The following GALNTL6 variants were observed in gnomAD, a reference collection of about 807,000 sequenced individuals.
The protein encoded by GALNTL6 is polypeptide N-acetylgalactosaminyltransferase-like 6.
GALNTL6 carries 46 observed loss-of-function variants against 73.7 expected under a neutral mutation model. That is an observed-to-expected ratio of 0.62 (90% CI 0.49 to 0.80). GALNTL6 has a LOEUF of 0.80. GALNTL6 is among the 30% of genes least tolerant of loss of function. The pLI is 0.00. For synonymous variants in GALNTL6, 259 were observed against 263.7 expected, an observed-to-expected ratio of 0.98 and a Z score of 0.17; for missense variants, 604 against 755.0, an observed-to-expected ratio of 0.80 and a Z score of 2.34.
chr4:172,074,545 T>C (rs895326164), intron 2 of GALNTL6, among the ~76,000 whole-genome samples: 4 of 124,644 alleles, frequency 3.2e-5, no homozygotes, highest in African/African-American at 1.2e-4. Flanking sequence ...ATGCATGCTT[T>C]ACAAACTTTT....
At chr4:172,176,083 TA>T (rs1734982637) in intron 2 of GALNTL6, among the ~76,000 whole-genome samples, 1 of 151,990 alleles carries the variant, frequency 6.6e-6, no homozygotes, top group Non-Finnish European at 1.5e-5. Flanking sequence ...CTCACGCCTG[TA>T]ATCCCAGCAC....
intron 8 of GALNTL6, among the ~76,000 whole-genome samples, chr4:172,914,359 G>C (rs1029289854): frequency 2.0e-5 from 3 of 152,154 alleles, no homozygotes; most frequent in African/African-American, 7.2e-5. Context: ...AAAATAACCA[G>C]CTAACGTCAT....
chr4:171,992,117 A>G (rs749146572), intron 2 of GALNTL6, among the ~76,000 whole-genome samples: 1 of 152,006 alleles, frequency 6.6e-6, no homozygotes, highest in African/African-American at 2.4e-5. Flanking sequence ...CATGACTCAG[A>G]TATCTTTTCA....
intron 2 of GALNTL6, among the ~76,000 whole-genome samples, chr4:172,092,763 A>C (rs1339553650): frequency 6.6e-6 from 1 of 152,044 alleles, no homozygotes; most frequent in Non-Finnish European, 1.5e-5. Context: ...CTTTTTGTGA[A>C]GTTTACAACA....
intron 5 of GALNTL6, among the ~76,000 whole-genome samples, chr4:172,775,290 T>C (rs906784226): frequency 1.3e-4 from 20 of 152,224 alleles, no homozygotes; most frequent in Admixed American, 3.3e-4. Flanking sequence ...TTAATTTGTC[T>C]TGATGGAATC....
intron 5 of GALNTL6, among the ~76,000 whole-genome samples, chr4:172,704,373 T>C (rs780652486): frequency 6.6e-6 from 1 of 151,944 alleles, no homozygotes; most frequent in Non-Finnish European, 1.5e-5. Context: ...CTGTATCCCA[T>C]AGATTTTGGT....
rs1401742052 is a variant in GALNTL6 at position 171,903,385 on chromosome 4, CG to C, written c.138+88669del. On this transcript the variant is annotated intron_variant, in intron 2 of 12. Coordinates refer to ENST00000506823, the MANE Select transcript of GALNTL6 (RefSeq NM_001034845.3). ...CCTAGTCAAAGAAAGGGGTGATGGA[CG>C]GCACCTGGAAAATCGGGTCACTCCC... Among the ~76,000 whole-genome samples, 7 of 151,986 alleles carry C rather than the reference CG, an allele frequency of 4.6e-5. No individual in the cohort carries two copies. The East Asian group carries it at 5.8e-4, about 13-fold the overall frequency.
At chr4:172,617,515 C>T (rs1182534319) in intron 5 of GALNTL6, among the ~76,000 whole-genome samples, 2 of 151,752 alleles carry the variant, frequency 1.3e-5, no homozygotes, top group African/African-American at 2.4e-5. Flanking sequence ...CTCGCTCTGT[C>T]GCCCAGGCTG....
At chr4:172,184,913 C>T (rs1281854933) in intron 2 of GALNTL6, among the ~76,000 whole-genome samples, 1 of 152,120 alleles carries the variant, frequency 6.6e-6, no homozygotes, top group Admixed American at 6.5e-5. Flanking sequence ...GGCATTAATC[C>T]ATTCATTCCA....
intron 2 of GALNTL6, among the ~76,000 whole-genome samples, chr4:171,817,642 T>A (rs1312161219): frequency 6.6e-6 from 1 of 151,692 alleles, no homozygotes; most frequent in Non-Finnish European, 1.5e-5. Context: ...TTAAAAATAA[T>A]ATTTAAGATA....
At chr4:172,798,599 A>G (rs939304394) in intron 5 of GALNTL6, among the ~76,000 whole-genome samples, 1 of 152,186 alleles carries the variant, frequency 6.6e-6, no homozygotes, top group African/African-American at 2.4e-5. Flanking sequence ...CCCAGTCTCC[A>G]GTACTTCTTT....
intron 5 of GALNTL6, among the ~76,000 whole-genome samples, chr4:172,385,719 C>T (rs1480517366): frequency 1.3e-5 from 2 of 151,894 alleles, no homozygotes; most frequent in Non-Finnish European, 2.9e-5. Flanking sequence ...CAATGTCTTC[C>T]TTTTCATTGG....
At chr4:172,195,604 C>T (rs768587321) in intron 2 of GALNTL6, among the ~76,000 whole-genome samples, 1 of 152,266 alleles carries the variant, frequency 6.6e-6, no homozygotes, top group East Asian at 1.9e-4. Flanking sequence ...GAACAAAGCA[C>T]AATCAAATTA....
intron 5 of GALNTL6, among the ~76,000 whole-genome samples, chr4:172,374,266 G>A (rs534630421): frequency 1.9e-4 from 29 of 152,232 alleles, no homozygotes; most frequent in African/African-American, 6.7e-4. Flanking sequence ...CTAAGGCTGC[G>A]GCCTTTCTCT....
intron 5 of GALNTL6, among the ~76,000 whole-genome samples, chr4:172,358,928 T>C (rs1270221014): frequency 6.7e-6 from 1 of 149,948 alleles, no homozygotes; most frequent in Non-Finnish European, 1.5e-5. Context: ...TATACACTAT[T>C]GGTAGGGGTG....
intron 3 of GALNTL6, among the ~76,000 whole-genome samples, chr4:172,233,758 C>T (rs947375084): frequency 6.6e-6 from 1 of 151,924 alleles, no homozygotes; most frequent in Non-Finnish European, 1.5e-5. Context: ...TGTACTCTTC[C>T]TTAAAATTTT....
intron 2 of GALNTL6, among the ~76,000 whole-genome samples, chr4:171,817,913 T>A (rs902860668): frequency 6.6e-6 from 1 of 151,536 alleles, no homozygotes; most frequent in Non-Finnish European, 1.5e-5. Flanking sequence ...TATTTTTAAA[T>A]TTTTATTTAG....
chr4:172,797,208 C>T (rs1002261942), intron 5 of GALNTL6, among the ~76,000 whole-genome samples: 1 of 152,124 alleles, frequency 6.6e-6, no homozygotes, highest in African/African-American at 2.4e-5. Flanking sequence ...TTATTGCTCC[C>T]ATATGATATC....
rs976717204 is a variant in GALNTL6 at position 172,524,432 on chromosome 4, G to A, written c.553+175743G>A. 3.5e-4 allele frequency among the ~76,000 whole-genome samples: 53 copies of A among 152,096 alleles called. 1 individual carries two copies. Among genetic ancestry groups the A allele is most frequent in the African/African-American group, 1.2e-3 (50 of 41,490 alleles). On this transcript the variant is annotated intron_variant, in intron 5 of 12. Coordinates refer to ENST00000506823, the MANE Select transcript of GALNTL6 (RefSeq NM_001034845.3). ...CCCGGCTAATGTTTTTGTATTTTTA[G>A]TAAAGACAGGGTTTCACCATATTGG...
Sources: allele counts gnomAD v4.1 joint callset (sites outside exome capture counted in the v4.1 genomes callset), GRCh38; gene constraint gnomAD v4.1.1; transcripts MANE v1.5; gene names NCBI Gene and HGNC (gene_info 2026-07-23, HGNC 2026-07-21).